BBS9: variants seen among roughly 807,000 people sequenced by gnomAD.
The protein encoded by BBS9 is protein PTHB1.
Under a neutral mutation model 117.7 loss-of-function variants are expected in BBS9, and 89 were observed. The ratio of observed to expected loss-of-function variants is 0.76; its 90% confidence interval spans 0.64 to 0.90. BBS9 has a LOEUF of 0.90. Ranked by LOEUF, BBS9 falls within the 40% of genes least tolerant of loss-of-function variation. BBS9 has a pLI of 0.00. For synonymous variants in BBS9, 379 were observed against 370.9 expected, an observed-to-expected ratio of 1.02 and a Z score of -0.25; for missense variants, 982 against 1,042.2, an observed-to-expected ratio of 0.94 and a Z score of 0.80.
chr7:33,535,819 A>C (rs1212533318), intron 21 of BBS9, among the ~76,000 whole-genome samples: 1 of 152,084 alleles, frequency 6.6e-6, no homozygotes, highest in African/African-American at 2.4e-5. Context: ...GAGAGAAAAA[A>C]AATTTGAAGA....
chr7:33,626,707 A>T (rs1220161203), intron 21 of BBS9, among the ~76,000 whole-genome samples: 1 of 152,212 alleles, frequency 6.6e-6, no homozygotes, highest in East Asian at 1.9e-4. Context: ...AAGAGGTTGG[A>T]GGCCCTAGAA....
chr7:33,395,380 A>G (rs1487781726), intron 19 of BBS9, among the ~76,000 whole-genome samples: 3 of 152,196 alleles, frequency 2.0e-5, no homozygotes, highest in Non-Finnish European at 2.9e-5. Flanking sequence ...TAGTCAAAGC[A>G]AGACTGATTG....
chr7:33,243,188 C>T (rs1050609260), intron 5 of BBS9, among the ~76,000 whole-genome samples: 3 of 152,156 alleles, frequency 2.0e-5, no homozygotes, highest in Non-Finnish European at 2.9e-5. Context: ...TTCCTCAAAC[C>T]CTCTTAAAAC....
chr7:33,232,490 A>G (rs982880748), intron 5 of BBS9, among the ~76,000 whole-genome samples: 45 of 152,232 alleles, frequency 3.0e-4, no homozygotes, highest in African/African-American at 9.6e-4. Context: ...CCTGGGTTAA[A>G]ATGGTAAACT....
At chr7:33,228,806 G>T (rs1791784794) in intron 5 of BBS9, among the ~76,000 whole-genome samples, 2 of 152,048 alleles carry the variant, frequency 1.3e-5, no homozygotes, top group Admixed American at 6.6e-5. Context: ...GGCTGGGGAG[G>T]AGGAGAAAGA....
chr7:33,323,680 T>A (rs965324262), intron 9 of BBS9, among the ~76,000 whole-genome samples: 11 of 151,932 alleles, frequency 7.2e-5, no homozygotes, highest in South Asian at 4.1e-4. Flanking sequence ...GGTCTTTTTT[T>A]AAAAAAATTC....
Position 33,615,288 on chromosome 7 carries a change from G to A in BBS9, c.2522-19889G>A, listed in dbSNP as rs76428203. ...AACCAGAGTCAGATATGGCATGATT[G>A]TTAGAATTGTCAGAATGGGAATTTA... On this transcript the variant is annotated intron_variant, in intron 21 of 21. Transcript: ENST00000671952. Among the ~76,000 whole-genome samples the A allele has an allele frequency of 5.1e-3, 781 of 152,152 alleles. 4 individuals are homozygous for A. The highest frequency in any genetic ancestry group is 0.017 in the African/African-American group (726 of 41,530).
chr7:33,302,665 G>A (rs1806736342), intron 9 of BBS9, among the ~76,000 whole-genome samples: 2 of 152,090 alleles, frequency 1.3e-5, no homozygotes, highest in Admixed American at 1.3e-4. Flanking sequence ...TACCATTGCT[G>A]TATTAGTTAT....
intron 5 of BBS9, among the ~76,000 whole-genome samples, chr7:33,245,862 A>C (rs550518671): frequency 6.6e-6 from 1 of 152,242 alleles, no homozygotes; most frequent in East Asian, 1.9e-4. Flanking sequence ...GGGCAGGGTT[A>C]TTTTACTTGG....
chr7:33,317,227 A>G (rs1409733797), intron 9 of BBS9, among the ~76,000 whole-genome samples: 1 of 152,202 alleles, frequency 6.6e-6, no homozygotes, highest in Non-Finnish European at 1.5e-5. Context: ...TCTCATGCCA[A>G]TACCACATTG....
intron 20 of BBS9, among the ~76,000 whole-genome samples, chr7:33,518,245 C>CTTTTTTTTTT (rs747829401): frequency 2.1e-5 from 2 of 93,926 alleles, no homozygotes; most frequent in Non-Finnish European, 4.0e-5. Flanking sequence ...TGTATATATT[C>CTTTTTTTTTT]TTTTTTTTTT....
intron 9 of BBS9, among the ~76,000 whole-genome samples, chr7:33,294,601 G>A (rs745701415): frequency 7.9e-5 from 12 of 152,080 alleles, no homozygotes; most frequent in Non-Finnish European, 1.8e-4. Flanking sequence ...AGCTTTAAGA[G>A]GCAATCTTTA....
chr7:33,328,993 T>TTTCATTTA (rs1554422527), intron 9 of BBS9, among the ~76,000 whole-genome samples: 13 of 145,442 alleles, frequency 8.9e-5, no homozygotes, highest in South Asian at 4.4e-4. Flanking sequence ...GTTTTCCTTC[T>TTTCATTTA]TTTATTTATT....
intron 19 of BBS9, among the ~76,000 whole-genome samples, chr7:33,411,820 C>G (rs955570709): frequency 6.6e-6 from 1 of 152,050 alleles, no homozygotes; most frequent in Non-Finnish European, 1.5e-5. Context: ...AGCAGCTACT[C>G]TGTGTAGGGG....
chr7:33,515,457 T>C (rs911214821), intron 20 of BBS9, among the ~76,000 whole-genome samples: 3 of 152,204 alleles, frequency 2.0e-5, no homozygotes, highest in Non-Finnish European at 2.9e-5. Flanking sequence ...GCCTTCATGA[T>C]TTCTTTTTTC....
chr7:33,352,872 T>G lies in BBS9; in HGVS notation c.1551T>G (p.Asp517Glu). 2 of 1,612,318 alleles carry G rather than the reference T, an allele frequency of 1.2e-6. No homozygotes were observed. The highest frequency in any genetic ancestry group is 1.3e-5 in the African/African-American group (1 of 74,980). ...SYSRPTDRNPDGIPRVIQCKF... is the reference protein window; with the variant it reads ...SYSRPTDRNPEGIPRVIQCKF... ...TGTGATGGACAGATCGAAATCCTGA[T>G]GGTAAGTGTAAAGATAATTTAGAAA... Residue 517 changes from aspartate to glutamate, a missense_variant and splice_region_variant, in exon 15 of 23, where the codon GAT becomes GAG. Transcript: ENST00000242067.
intron 16 of BBS9, among the ~76,000 whole-genome samples, chr7:33,365,600 A>G (rs1021683572): frequency 2.0e-5 from 3 of 152,308 alleles, no homozygotes; most frequent in South Asian, 2.1e-4. Flanking sequence ...TTGGCACTCT[A>G]TCTGGCTTGT....
chr7:33,501,593 G>A (rs1023688307), intron 19 of BBS9, among the ~76,000 whole-genome samples: 1 of 152,182 alleles, frequency 6.6e-6, no homozygotes, highest in African/African-American at 2.4e-5. Context: ...TTCCATAACA[G>A]CTGTGTTTAG....
chr7:33,488,141 A>G (rs1412041444), intron 19 of BBS9, among the ~76,000 whole-genome samples: 1 of 152,082 alleles, frequency 6.6e-6, no homozygotes, highest in Non-Finnish European at 1.5e-5. Flanking sequence ...ATGCTTCCTC[A>G]TATTAATTTT....
Sources: allele counts gnomAD v4.1 joint callset (sites outside exome capture counted in the v4.1 genomes callset), GRCh38; gene constraint gnomAD v4.1.1; transcripts MANE v1.5; gene names NCBI Gene and HGNC (gene_info 2026-07-23, HGNC 2026-07-21).